The following CMTM8 variants were observed in gnomAD, a reference collection of about 807,000 sequenced individuals.
The protein encoded by CMTM8 is CKLF-like MARVEL transmembrane domain-containing protein 8.
A neutral mutation model predicts 18.6 loss-of-function variants in CMTM8; 12 were observed. The observed-to-expected ratio is 0.65, with a 90% CI of 0.41 to 1.05. The LOEUF is 1.05. Among genes scored for constraint, CMTM8 ranks in the 50% least tolerant of loss-of-function variants. The probability of loss-of-function intolerance (pLI) is 0.00; values close to 1 mark genes in which losing one functional copy is unlikely to be tolerated. For missense variants in CMTM8, 217 were observed against 227.2 expected (o/e 0.95, Z 0.29); for synonymous variants, 87 against 90.6 (o/e 0.96, Z 0.23).
chr3:32,288,814 T>G (rs1702730987), intron 1 of CMTM8, among the ~76,000 whole-genome samples: 1 of 152,234 alleles, frequency 6.6e-6, no homozygotes, highest in Non-Finnish European at 1.5e-5. Context: ...CTGTCATTTC[T>G]AAAGCACCTT....
chr3:32,252,296 G>A (rs1702121568), intron 1 of CMTM8, among the ~76,000 whole-genome samples: 1 of 151,972 alleles, frequency 6.6e-6, no homozygotes, highest in Non-Finnish European at 1.5e-5. Flanking sequence ...TTATTATAGT[G>A]TTATCATGTA....
At chr3:32,255,871 A>G (rs1428076170) in intron 1 of CMTM8, among the ~76,000 whole-genome samples, 1 of 151,904 alleles carries the variant, frequency 6.6e-6, no homozygotes, top group African/African-American at 2.4e-5. Flanking sequence ...GACTACAGGT[A>G]CTTGCCACCA....
chr3:32,332,909 A>G (rs565095425), intron 1 of CMTM8, among the ~76,000 whole-genome samples: 1 of 152,224 alleles, frequency 6.6e-6, no homozygotes, highest in Non-Finnish European at 1.5e-5. Flanking sequence ...CCCTTCTCCC[A>G]TGGGCTACCG....
chr3:32,283,628 G>A (rs1329483100), intron 1 of CMTM8, among the ~76,000 whole-genome samples: 1 of 152,188 alleles, frequency 6.6e-6, no homozygotes, highest in Admixed American at 6.5e-5. Context: ...ATAGCAGGAT[G>A]TTTACTGTGT....
At chr3:32,261,779 G>A (rs1180824431) in intron 1 of CMTM8, among the ~76,000 whole-genome samples, 1 of 152,144 alleles carries the variant, frequency 6.6e-6, no homozygotes, top group Admixed American at 6.5e-5. Context: ...ACACCCTTGT[G>A]GAGTTCAGTG....
At chr3:32,239,522 G>A (rs2125524490) in intron 1 of CMTM8, among the ~76,000 whole-genome samples, 1 of 152,272 alleles carries the variant, frequency 6.6e-6, no homozygotes, top group South Asian at 2.1e-4. Context: ...ATCAGGGGAA[G>A]AGGAAAGGGC....
At chr3:32,284,060 T>C in intron 1 of CMTM8, among the ~76,000 whole-genome samples, 1 of 152,202 alleles carries the variant, frequency 6.6e-6, no homozygotes, top group East Asian at 1.9e-4. Flanking sequence ...GAGACCAGCC[T>C]GGCCAACATG....
At chr3:32,354,026 G>A (rs982246820) in intron 1 of CMTM8, among the ~76,000 whole-genome samples, 4 of 151,814 alleles carry the variant, frequency 2.6e-5, no homozygotes, top group South Asian at 2.1e-4. Context: ...CTCATGATCC[G>A]CCCACCTCAG....
At chr3:32,363,508 T>C (rs760834970) in intron 2 of CMTM8, among the ~76,000 whole-genome samples, 1 of 152,168 alleles carries the variant, frequency 6.6e-6, no homozygotes, top group African/African-American at 2.4e-5. Flanking sequence ...GTGGAATCTT[T>C]AGGTGGCCAT....
chr3:32,273,174 C>G (rs1372749811), intron 1 of CMTM8, among the ~76,000 whole-genome samples: 2 of 98,334 alleles, frequency 2.0e-5, no homozygotes, highest in Non-Finnish European at 4.5e-5. Context: ...CGTGCCCAGG[C>G]TGGTCTCAAA....
chr3:32,292,070 G>T (rs1176577449), intron 1 of CMTM8, among the ~76,000 whole-genome samples: 7 of 152,192 alleles, frequency 4.6e-5, no homozygotes, highest in African/African-American at 1.7e-4. Flanking sequence ...CAACCTTGTG[G>T]TTTGAGTTTT....
rs796520779 is a variant in CMTM8 at position 32,353,784 on chromosome 3, A to T, written c.148-3589A>T. 9.6e-3 allele frequency among the ~76,000 whole-genome samples: 1,287 copies of T among 134,052 alleles called. 26 individuals carry two copies. Among genetic ancestry groups the T allele is most frequent in the African/African-American group, 0.034 (1,227 of 36,486 alleles). The allele number at this position is 134,052 out of a possible 152,430, so 87.9% of individuals were successfully genotyped here. On this transcript the variant is annotated intron_variant, in intron 1 of 3. Transcript: ENST00000307526. ...CATTTCTTAATATACTTCTGTGTTAATTTTTTTTTTTTTTTTTTGAGACGG... is the reference window on the plus strand; with the variant it reads ...CATTTCTTAATATACTTCTGTGTTATTTTTTTTTTTTTTTTTTTGAGACGG...
intron 1 of CMTM8, among the ~76,000 whole-genome samples, chr3:32,294,744 T>C (rs1559372167): frequency 6.6e-6 from 1 of 152,202 alleles, no homozygotes; most frequent in Non-Finnish European, 1.5e-5. Flanking sequence ...ATAAAGATAT[T>C]GTGTCTATTC....
chr3:32,361,286 G>GTTTGTTTTTTTTTGTTTTTTT (rs140270969), intron 2 of CMTM8, among the ~76,000 whole-genome samples: 1 of 87,270 alleles, frequency 1.1e-5, no homozygotes, highest in Non-Finnish European at 2.4e-5. Context: ...CAGCCTAAGA[G>GTTTGTTTTTTTTTGTTTTTTT]TTTTTTTTTC....
chr3:32,313,571 C>T (rs536459799), intron 1 of CMTM8, among the ~76,000 whole-genome samples: 19 of 152,252 alleles, frequency 1.2e-4, no homozygotes, highest in Middle Eastern at 3.4e-3. Context: ...TCCCAAAGTG[C>T]TGAGATTACA....
chr3:32,323,233 T>C (rs565559051), intron 1 of CMTM8, among the ~76,000 whole-genome samples: 1 of 152,276 alleles, frequency 6.6e-6, no homozygotes, highest in Non-Finnish European at 1.5e-5. Context: ...TGAGGGCCTG[T>C]TCGGGTAGCT....
intron 1 of CMTM8, among the ~76,000 whole-genome samples, chr3:32,256,277 C>A (rs1702173664): frequency 6.6e-6 from 1 of 151,978 alleles, no homozygotes; most frequent in Admixed American, 6.6e-5. Flanking sequence ...ACTTTGTTGC[C>A]CAGGCGGGTC....
intron 1 of CMTM8, among the ~76,000 whole-genome samples, chr3:32,308,814 C>G (rs894536705): frequency 6.6e-6 from 1 of 152,294 alleles, no homozygotes; most frequent in South Asian, 2.1e-4. Context: ...TATGGTGCAA[C>G]TGTCACATGA....
intron 1 of CMTM8, among the ~76,000 whole-genome samples, chr3:32,295,473 A>AAAAAG (rs1702859715): frequency 7.2e-6 from 1 of 139,184 alleles, no homozygotes; most frequent in African/African-American, 3.0e-5. Context: ...AAAAAAAAAA[A>AAAAAG]AAAAACAAAA....
Sources: allele counts gnomAD v4.1 joint callset (sites outside exome capture counted in the v4.1 genomes callset), GRCh38; gene constraint gnomAD v4.1.1; transcripts MANE v1.5; gene names NCBI Gene and HGNC (gene_info 2026-07-23, HGNC 2026-07-21).